The following CCDC170 variants were observed in gnomAD, a reference collection of about 807,000 sequenced individuals.
CCDC170 encodes coiled-coil domain-containing protein 170.
In CCDC170, 69 loss-of-function variants were observed where a neutral mutation model predicts 72.6. The observed-to-expected ratio is 0.95, with a 90% confidence interval of 0.78 to 1.16. The LOEUF is 1.16. Ranked by LOEUF, CCDC170 falls within the 50% of genes most tolerant of loss-of-function variation. The pLI is 0.00. For missense variants in CCDC170, 852 were observed against 832.5 expected (o/e 1.02, Z -0.29); for synonymous variants, 300 against 303.9 (o/e 0.99, Z 0.13).
chr6:151,502,380 AATTAT>A (rs1259380500), intron 1 of CCDC170, among the ~76,000 whole-genome samples: 1 of 152,184 alleles, frequency 6.6e-6, no homozygotes, highest in East Asian at 1.9e-4. Flanking sequence ...TAAATATCTG[AATTAT>A]ATTTCTGAGT....
chr6:151,563,585 A>T (rs1776081189), intron 5 of CCDC170, among the ~76,000 whole-genome samples: 1 of 152,154 alleles, frequency 6.6e-6, no homozygotes, highest in Non-Finnish European at 1.5e-5. Context: ...GTCCCTGGGC[A>T]GGGCTGTTTC....
In CCDC170 at chr6:151,618,472, G is replaced by A. The variant is rs1218188684; in HGVS notation, c.*325G>A. 5 of 288,312 alleles carry A rather than the reference G, an allele frequency of 1.7e-5. No homozygotes were observed. The highest frequency in any genetic ancestry group is 1.0e-4 in the South Asian group (2 of 19,164). 17.9% of individuals were successfully genotyped at this position (288,312 alleles called of 1,614,324 possible). A position where few individuals can be genotyped will look rare whatever the true frequency, so the allele number is the denominator to read the frequency against. ...GTCAGGGGCTTTACTAGCCGATTTAGTTCTCACAATAACCATGTGGAGAAG... is the reference window on the plus strand; with the variant it reads ...GTCAGGGGCTTTACTAGCCGATTTAATTCTCACAATAACCATGTGGAGAAG... On this transcript the variant is annotated 3_prime_UTR_variant, in exon 11 of 11. Coordinates refer to ENST00000239374, the MANE Select transcript of CCDC170 (RefSeq NM_025059.4).
chr6:151,601,495 C>T (rs1235487452), intron 9 of CCDC170, among the ~76,000 whole-genome samples: 1 of 151,856 alleles, frequency 6.6e-6, no homozygotes, highest in African/African-American at 2.4e-5. Flanking sequence ...AGCAATTGGT[C>T]AGTGTTCTCC....
At chr6:151,518,344 G>A (rs1782266582) in intron 1 of CCDC170, among the ~76,000 whole-genome samples, 2 of 152,156 alleles carry the variant, frequency 1.3e-5, no homozygotes, top group African/African-American at 2.4e-5. Flanking sequence ...ATTTGGTTTA[G>A]CAGATGAGAA....
At chr6:151,586,538 A>C (rs1386110210) in intron 7 of CCDC170, among the ~76,000 whole-genome samples, 1 of 152,158 alleles carries the variant, frequency 6.6e-6, no homozygotes, top group African/African-American at 2.4e-5. Flanking sequence ...TAGTGGAGAC[A>C]GGAGACAGAT....
chr6:151,561,926 T>C (rs1008904738), intron 5 of CCDC170, among the ~76,000 whole-genome samples: 8 of 152,294 alleles, frequency 5.3e-5, no homozygotes, highest in Admixed American at 2.0e-4. Flanking sequence ...AAATTATTTT[T>C]AAAATTTTAT....
intron 5 of CCDC170, among the ~76,000 whole-genome samples, chr6:151,556,952 T>C (rs779832345): frequency 9.2e-5 from 14 of 152,220 alleles, no homozygotes; most frequent in Non-Finnish European, 1.8e-4. Context: ...TCAACTCTTT[T>C]AGTTCCTGCA....
At position 151,615,478 on chromosome 6, in the gene CCDC170, T is replaced by G; in HGVS notation, c.1746T>G (p.Asp582Glu). 1 of 1,614,020 alleles carries G rather than the reference T, an allele frequency of 6.2e-7. No homozygotes were observed. The highest frequency in any genetic ancestry group is 1.7e-5 in the Admixed American group (1 of 60,018). Residue 582 changes from aspartate (D) to glutamate (E), a missense_variant, in exon 10 of 11, where the codon GAT (aspartate) becomes GAG (glutamate). Coordinates refer to ENST00000239374, the MANE Select transcript of CCDC170 (RefSeq NM_025059.4). Reference sequence around the variant, plus strand: ...TGGAACAGACTAAAGCCATTGAAGATCTAAACAAATCCAGAGACCAACTGG... The same window carrying G: ...TGGAACAGACTAAAGCCATTGAAGAGCTAAACAAATCCAGAGACCAACTGG... ...KTLEQTKAIE[D>E]LNKSRDQLEK...
chr6:151,592,652 C>T (rs1776560114), intron 7 of CCDC170, among the ~76,000 whole-genome samples: 1 of 152,064 alleles, frequency 6.6e-6, no homozygotes, highest in Non-Finnish European at 1.5e-5. Flanking sequence ...CCACTAGGTC[C>T]CTCCCACAAC....
At chr6:151,497,795 G>A (rs1436762314) in intron 1 of CCDC170, among the ~76,000 whole-genome samples, 1 of 151,778 alleles carries the variant, frequency 6.6e-6, no homozygotes, top group Non-Finnish European at 1.5e-5. Flanking sequence ...GGCTAACATG[G>A]TAAAACCCCG....
rs1173500486 is a variant in CCDC170, at chr6:151,554,872, G to GTTTTT, written c.774+6401_774+6405dup. Among the ~76,000 whole-genome samples the GTTTTT allele has an allele frequency of 1.5e-3, 152 of 102,320 alleles. 2 individuals are homozygous for GTTTTT. The highest frequency in any genetic ancestry group is 6.0e-3 in the East Asian group (15 of 2,512). 67.1% of individuals were successfully genotyped at this position (102,320 alleles called of 152,430 possible). ...CGTAGCTTGATCTTTTTGGACCTCA[G>GTTTTT]TTTTTTTTTTTTTTTTTTTTTTGTG... On this transcript the variant is annotated intron_variant, in intron 5 of 10. Transcript: ENST00000239374.
intron 1 of CCDC170, among the ~76,000 whole-genome samples, chr6:151,495,346 A>G (rs1022262546): frequency 1.3e-5 from 2 of 151,936 alleles, no homozygotes; most frequent in African/African-American, 4.8e-5. Context: ...TTTTATCCCA[A>G]TGTGGTGTCT....
At chr6:151,598,470 A>G (rs963412183) in intron 9 of CCDC170, among the ~76,000 whole-genome samples, 2 of 152,178 alleles carry the variant, frequency 1.3e-5, no homozygotes, top group Non-Finnish European at 2.9e-5. Context: ...CCTCCATCAG[A>G]GGCCCTGGGG....
chr6:151,570,011 A>C (rs1002164538), intron 5 of CCDC170, among the ~76,000 whole-genome samples: 1 of 152,222 alleles, frequency 6.6e-6, no homozygotes, highest in African/African-American at 2.4e-5. Flanking sequence ...TTAAAAAGAA[A>C]ACGTTCTTTG....
At chr6:151,507,875 C>T (rs1021800807) in intron 1 of CCDC170, among the ~76,000 whole-genome samples, 3 of 150,374 alleles carry the variant, frequency 2.0e-5, no homozygotes, top group African/African-American at 7.4e-5. Context: ...GAGCCGAGAT[C>T]GTGCCACTGT....
At chr6:151,578,278 C>T (rs1046561703) in intron 6 of CCDC170, among the ~76,000 whole-genome samples, 4 of 152,188 alleles carry the variant, frequency 2.6e-5, no homozygotes, top group African/African-American at 7.2e-5. Flanking sequence ...ACAGAAAGTT[C>T]TTGCCTCACA....
chr6:151,616,045 CATTCTT>C, intron 10 of CCDC170, among the ~76,000 whole-genome samples: 1 of 152,218 alleles, frequency 6.6e-6, no homozygotes, highest in South Asian at 2.1e-4. Flanking sequence ...AAGGAAAAGA[CATTCTT>C]ATTCAAGCAG....
intron 8 of CCDC170, among the ~76,000 whole-genome samples, chr6:151,594,583 T>C (rs1019258624): frequency 6.6e-6 from 1 of 152,124 alleles, no homozygotes; most frequent in Non-Finnish European, 1.5e-5. Context: ...AATAATTATA[T>C]AATTATTAAA....
chr6:151,505,793 T>C (rs974635081), intron 1 of CCDC170, among the ~76,000 whole-genome samples: 6 of 152,166 alleles, frequency 3.9e-5, no homozygotes, highest in Non-Finnish European at 7.4e-5. Flanking sequence ...GAAAGCCTAC[T>C]TCTTAAAAAT....
Sources: gnomAD v4.1 joint callset for allele counts (sites outside exome capture counted in the v4.1 genomes callset) on GRCh38, gnomAD v4.1.1 for gene constraint, MANE v1.5 for transcripts, NCBI Gene and HGNC (gene_info 2026-07-23, HGNC 2026-07-21) for gene names.